The following CDYL2 variants were observed in gnomAD, a reference collection of about 807,000 sequenced individuals.
The protein encoded by CDYL2 is chromodomain Y like 2.
In CDYL2, 23 loss-of-function variants were observed where a neutral mutation model predicts 49.4. That is an observed-to-expected ratio of 0.47 (90% CI 0.34 to 0.66). CDYL2 has a LOEUF of 0.66. CDYL2 is among the 30% of genes least tolerant of loss of function. The pLI is 0.01. For missense variants in CDYL2, 678 were observed against 656.4 expected (o/e 1.03, Z -0.36); for synonymous variants, 360 against 268.8 (o/e 1.34, Z -3.32).
At chr16:80,726,306 C>A (rs776604121) in intron 1 of CDYL2, among the ~76,000 whole-genome samples, 1 of 152,052 alleles carries the variant, frequency 6.6e-6, no homozygotes, top group Non-Finnish European at 1.5e-5. Context: ...TTAAAACCAA[C>A]AATGAAATGA....
chr16:80,645,974 G>A (rs1261170691), intron 2 of CDYL2, among the ~76,000 whole-genome samples: 12 of 129,272 alleles, frequency 9.3e-5, no homozygotes, highest in East Asian at 7.7e-4. Context: ...ATCACACACC[G>A]GGGCCTGTCA....
At chr16:80,655,164 G>T (rs1908750924) in intron 2 of CDYL2, among the ~76,000 whole-genome samples, 2 of 152,322 alleles carry the variant, frequency 1.3e-5, no homozygotes, top group South Asian at 2.1e-4. Flanking sequence ...GTCAATTATT[G>T]AACAGTCTTA....
intron 1 of CDYL2, among the ~76,000 whole-genome samples, chr16:80,737,233 C>G (rs527461701): frequency 3.2e-4 from 48 of 152,256 alleles, no homozygotes; most frequent in African/African-American, 9.4e-4. Flanking sequence ...GTTGAACTCA[C>G]AGAGATGTTA....
chr16:80,769,847 C>T (rs192432383), intron 1 of CDYL2, among the ~76,000 whole-genome samples: 1 of 152,166 alleles, frequency 6.6e-6, no homozygotes, highest in Admixed American at 6.5e-5. Flanking sequence ...AAAACAAAAT[C>T]AGACTTTATA....
At chr16:80,751,062 G>C (rs767655965) in intron 1 of CDYL2, among the ~76,000 whole-genome samples, 2 of 152,036 alleles carry the variant, frequency 1.3e-5, no homozygotes, top group Non-Finnish European at 2.9e-5. Context: ...TAATGTAAAA[G>C]CTGCTCAACT....
chr16:80,609,003 C>G (rs746726559), intron 5 of CDYL2, among the ~76,000 whole-genome samples: 1 of 152,146 alleles, frequency 6.6e-6, no homozygotes, highest in African/African-American at 2.4e-5. Flanking sequence ...AAGGCAGAGA[C>G]GTGCATCTCT....
intron 1 of CDYL2, among the ~76,000 whole-genome samples, chr16:80,706,489 T>G (rs1025754496): frequency 2.6e-5 from 4 of 152,230 alleles, no homozygotes; most frequent in Non-Finnish European, 5.9e-5. Flanking sequence ...CTGGGAATCA[T>G]GATCACATTG....
At chr16:80,771,222 T>C (rs570818417) in intron 1 of CDYL2, among the ~76,000 whole-genome samples, 103 of 152,338 alleles carry the variant, frequency 6.8e-4, no homozygotes, top group Non-Finnish European at 1.4e-3. Flanking sequence ...TCTACAAATA[T>C]TTCTTCCAAA....
At chr16:80,685,154 G>C (rs745911197) in intron 1 of CDYL2, 25 bp from the exon 2 acceptor site, 2 of 1,563,218 alleles carry the variant, frequency 1.3e-6, no homozygotes, top group Non-Finnish European at 1.7e-6. Flanking sequence ...GAGAGGGTCA[G>C]AAAACAGAGA....
intron 2 of CDYL2, among the ~76,000 whole-genome samples, chr16:80,667,016 G>T (rs976695794): frequency 1.3e-5 from 2 of 152,164 alleles, no homozygotes; most frequent in Non-Finnish European, 2.9e-5. Context: ...ACAAACCGAG[G>T]TCAGTGCTGT....
At chr16:80,675,086 G>C (rs545647832) in intron 2 of CDYL2, among the ~76,000 whole-genome samples, 4 of 152,344 alleles carry the variant, frequency 2.6e-5, no homozygotes, top group Admixed American at 6.5e-5. Context: ...TGCCAAGTCA[G>C]CATCTCTGAT....
intron 1 of CDYL2, among the ~76,000 whole-genome samples, chr16:80,747,679 C>T (rs1031389775): frequency 2.6e-5 from 4 of 152,110 alleles, no homozygotes; most frequent in Non-Finnish European, 5.9e-5. Flanking sequence ...AAGCAAGTAC[C>T]AGACAAAAGA....
chr16:80,634,196 CAT>C (rs955412486), intron 2 of CDYL2, among the ~76,000 whole-genome samples: 7 of 152,134 alleles, frequency 4.6e-5, no homozygotes, highest in African/African-American at 1.7e-4. Flanking sequence ...GACATATACA[CAT>C]ATGTTTACTG....
rs568888509 is a variant in CDYL2 at position 80,599,887 on chromosome 16, T to C, written c.*4501A>G. On this transcript the variant is annotated 3_prime_UTR_variant, in exon 7 of 7. Coordinates refer to ENST00000570137, the MANE Select transcript of CDYL2 (RefSeq NM_152342.4). ...GGCCAAAGACAATCACCAAGGTGTC[T>C]ATCTGGTCCCTGCCGCCATCAACTC... 2 of 152,364 alleles carry C rather than the reference T, an allele frequency of 1.3e-5. No individual in the cohort carries two copies. Among genetic ancestry groups the C allele is most frequent in the Admixed American group, 6.5e-5 (1 of 15,306 alleles). The allele number at this position is 152,364 out of a possible 1,614,324, so 9.4% of individuals were successfully genotyped here.
chr16:80,620,016 G>A (rs1355076107), intron 4 of CDYL2, among the ~76,000 whole-genome samples: 1 of 152,176 alleles, frequency 6.6e-6, no homozygotes, highest in Non-Finnish European at 1.5e-5. Flanking sequence ...ATGTGACCAG[G>A]GGCATTCCTG....
At chr16:80,648,047 A>G (rs1908426272) in intron 2 of CDYL2, among the ~76,000 whole-genome samples, 2 of 152,148 alleles carry the variant, frequency 1.3e-5, no homozygotes, top group Admixed American at 1.3e-4. Context: ...TTAAGTGCCT[A>G]TACCAAAAAA....
chr16:80,710,941 T>C (rs1904574898), intron 1 of CDYL2, among the ~76,000 whole-genome samples: 1 of 152,246 alleles, frequency 6.6e-6, no homozygotes, highest in African/African-American at 2.4e-5. Context: ...CATGAATACA[T>C]ATTTTTGTAA....
intron 2 of CDYL2, among the ~76,000 whole-genome samples, chr16:80,670,424 T>A (rs1244049721): frequency 2.0e-5 from 3 of 152,120 alleles, no homozygotes; most frequent in Non-Finnish European, 4.4e-5. Flanking sequence ...TGTGTTTGCT[T>A]CCCCTTCCGC....
chr16:80,745,290 C>A (rs1379683402), intron 1 of CDYL2, among the ~76,000 whole-genome samples: 2 of 152,142 alleles, frequency 1.3e-5, no homozygotes, highest in African/African-American at 2.4e-5. Flanking sequence ...TCTTCTGTGT[C>A]ACCTGAGCAA....
Sources: allele counts gnomAD v4.1 joint callset (sites outside exome capture counted in the v4.1 genomes callset), GRCh38; gene constraint gnomAD v4.1.1; transcripts MANE v1.5; gene names NCBI Gene and HGNC (gene_info 2026-07-23, HGNC 2026-07-21).